AGL: variants seen among roughly 807,000 people sequenced by gnomAD.
AGL encodes glycogen debranching enzyme.
A neutral mutation model predicts 199.3 loss-of-function variants in AGL; 128 were observed. That is an observed-to-expected ratio of 0.64 (90% CI 0.56 to 0.74). AGL has a LOEUF of 0.74. AGL is among the 30% of genes least tolerant of loss of function. The probability of loss-of-function intolerance (pLI) is 0.00; values close to 1 mark genes in which losing one functional copy is unlikely to be tolerated. For missense variants in AGL, 1,809 were observed against 1,820.8 expected, an observed-to-expected ratio of 0.99 and a Z score of 0.12; for synonymous variants, 584 against 594.7, an observed-to-expected ratio of 0.98 and a Z score of 0.26.
chr1:99,872,354 T>C (rs1651090658), intron 7 of AGL, among the ~76,000 whole-genome samples: 1 of 152,124 alleles, frequency 6.6e-6, no homozygotes, highest in Non-Finnish European at 1.5e-5. Context: ...TGTGAGTCAA[T>C]CTGAAGGATA....
Position 99,881,072 on chromosome 1 carries a change from C to G in AGL, c.1900-4C>G. ...ACTTTTGCTTTGTTGTTGTTGTCTT[C>G]TAGCATAGATCAGCGTATGATGCTC... On this transcript the variant is annotated splice_region_variant and splice_polypyrimidine_tract_variant and intron_variant, in intron 14 of 33. Coordinates refer to ENST00000361915, the MANE Select transcript of AGL (RefSeq NM_000642.3). 1 of 1,612,256 alleles carries G rather than the reference C, an allele frequency of 6.2e-7. No individual in the cohort carries two copies. The highest frequency in any genetic ancestry group is 1.3e-5 in the African/African-American group (1 of 74,990).
intron 33 of AGL, among the ~76,000 whole-genome samples, chr1:99,916,965 G>C (rs907224182): frequency 2.0e-5 from 3 of 152,024 alleles, no homozygotes; most frequent in African/African-American, 7.2e-5. Flanking sequence ...TATACATGTG[G>C]AATAGTCTTT....
At chr1:99,866,808 A>ATTTATTTAT (rs1458943251) in intron 5 of AGL, among the ~76,000 whole-genome samples, 6 of 68,358 alleles carry the variant, frequency 8.8e-5, no homozygotes, top group African/African-American at 3.0e-4. Context: ...TCTTTTATTT[A>ATTTATTTAT]TTTATTTTAT....
rs148821901 is a variant in AGL, at chr1:99,904,208, C to T, written c.3700+1414C>T. ...TCATCTCATGGCACACTATCATCGC[C>T]GCCAATGCAAGGCTAATAGTAATTT... On this transcript the variant is annotated intron_variant, in intron 27 of 33. Transcript: ENST00000361915. 4.5e-4 allele frequency among the ~76,000 whole-genome samples: 69 copies of T among 152,296 alleles called. 1 individual carries two copies. In the East Asian group the frequency reaches 8.5e-3, roughly 19 times the overall value.
At chr1:99,863,838 C>T (rs1395369083) in intron 4 of AGL, among the ~76,000 whole-genome samples, 4 of 148,428 alleles carry the variant, frequency 2.7e-5, no homozygotes, top group Non-Finnish European at 5.9e-5. Flanking sequence ...ACAAAAGTCT[C>T]ACTGTGTTGC....
intron 11 of AGL, among the ~76,000 whole-genome samples, chr1:99,877,031 T>G (rs1390253676): frequency 1.3e-5 from 2 of 152,212 alleles, no homozygotes; most frequent in African/African-American, 4.8e-5. Flanking sequence ...AGGTCCCCCC[T>G]CACTCTTAGT....
At chr1:99,907,686 G>GTTTTTTTTTTT (rs1238445536) in intron 27 of AGL, among the ~76,000 whole-genome samples, 1 of 59,846 alleles carries the variant, frequency 1.7e-5, no homozygotes, top group African/African-American at 5.7e-5. Context: ...GTTTGTTTTT[G>GTTTTTTTTTTT]TTTTTTGTTT....
intron 23 of AGL, among the ~76,000 whole-genome samples, chr1:99,891,955 CAT>C (rs747482422): frequency 1.4e-4 from 22 of 152,198 alleles, no homozygotes; most frequent in Admixed American, 9.2e-4. Flanking sequence ...GCTAATAAAA[CAT>C]ATTGATAAGA....
At position 99,870,415 on chromosome 1, in the gene AGL, G is replaced by T. The variant is rs145929061; in HGVS notation, c.680G>T (p.Trp227Leu). 1.9e-6 allele frequency: 3 copies of T among 1,613,796 alleles called. No individual in the cohort carries two copies. Among genetic ancestry groups the T allele is most frequent in the Non-Finnish European group, 2.5e-6 (3 of 1,179,922 alleles). ...VYNHTAANSK[W>L]IQEHPECAYN... ...TTTCCTTCAGCTGCTAATAGTAAAT[G>T]GATCCAGGAACATCCAGAATGTGCC... The change falls in exon 6 of 34, where the codon TGG becomes TTG. Residue 227 changes from tryptophan (W) to leucine (L), a missense_variant. Transcript: ENST00000361915.
chr1:99,890,923 A>G (rs1048061935), intron 21 of AGL, among the ~76,000 whole-genome samples: 1 of 152,132 alleles, frequency 6.6e-6, no homozygotes, highest in Admixed American at 6.5e-5. Context: ...ATATTATAAC[A>G]TTAAAATCCA....
At chr1:99,890,646 A>ATATATAT (rs201146666) in intron 21 of AGL, among the ~76,000 whole-genome samples, 10 of 112,108 alleles carry the variant, frequency 8.9e-5, no homozygotes, top group Admixed American at 1.9e-4. Flanking sequence ...ATTAAGAAAA[A>ATATATAT]AAAAATATAT....
chr1:99,887,873 C>G (rs1652567054), intron 20 of AGL, 105 bp from the exon 21 acceptor site: 2 of 1,282,212 alleles, frequency 1.6e-6, no homozygotes, highest in South Asian at 2.4e-5. Flanking sequence ...CTAAAACATA[C>G]ACTGCTAAGA....
chr1:99,879,757 TCTC>T (rs1416894999), intron 12 of AGL, among the ~76,000 whole-genome samples, 163 bp from the exon 13 acceptor site: 1 of 152,208 alleles, frequency 6.6e-6, no homozygotes, highest in African/African-American at 2.4e-5. Flanking sequence ...ACCGTTTTCT[TCTC>T]TTGATAAATT....
At position 99,862,329 on chromosome 1, in the gene AGL, A is replaced by T. The variant is rs1386596170; in HGVS notation, c.366A>T (p.Leu122=). ...GTGTTGGTGCTGATAATCATGTGCTACCCTTGGACTGTGTTACTCTTCAGA... is the reference window on the plus strand; with the variant it reads ...GTGTTGGTGCTGATAATCATGTGCTTCCCTTGGACTGTGTTACTCTTCAGA... ...ILRVGADNHV[L]PLDCVTLQTF... The change falls in exon 4 of 34, where the codon CTA becomes CTT. Residue 122 remains leucine, a synonymous_variant. Coordinates refer to ENST00000361915, the MANE Select transcript of AGL (RefSeq NM_000642.3). 2 of 1,613,886 alleles carry T rather than the reference A, an allele frequency of 1.2e-6. No individual in the cohort carries two copies. Among genetic ancestry groups the T allele is most frequent in the Admixed American group, 3.3e-5 (2 of 59,988 alleles).
At position 99,910,794 on chromosome 1, in the gene AGL, T is replaced by G. The variant is rs771249925; in HGVS notation, c.3783T>G (p.Asp1261Glu). The change falls in exon 28 of 34, where the codon GAT (aspartate) becomes GAG (glutamate). Residue 1261 changes from aspartate (D) to glutamate (E), a missense_variant. Coordinates refer to ENST00000361915, the MANE Select transcript of AGL (RefSeq NM_000642.3). Reference sequence around the variant, plus strand: ...GTTTCAATTGTGGCACATGGATGGATAAAATGGGAGAAAGTGACAGAGCTA... The same window carrying G: ...GTTTCAATTGTGGCACATGGATGGAGAAAATGGGAGAAAGTGACAGAGCTA... The part of the protein sequence containing the change: ...GNRFNCGTWM[D>E]KMGESDRARN... The G allele has an allele frequency of 5.6e-6, 9 of 1,613,292 alleles. No individual in the cohort carries two copies. In the South Asian group the frequency reaches 8.8e-5, roughly 16 times the overall value.
chr1:99,918,977 C>T (rs1310730581), intron 33 of AGL, among the ~76,000 whole-genome samples: 1 of 152,074 alleles, frequency 6.6e-6, no homozygotes, highest in African/African-American at 2.4e-5. Flanking sequence ...TGGTTCTTTC[C>T]TTGTTCTTTG....
intron 22 of AGL, 112 bp downstream of exon 22, chr1:99,891,468 TTCA>T (rs1178081692): frequency 8.6e-6 from 13 of 1,504,420 alleles, no homozygotes; most frequent in African/African-American, 2.8e-5. Context: ...TCCTCCTTCC[TTCA>T]TCATCTTTCA....
intron 26 of AGL, 122 bp from the exon 27 acceptor site, chr1:99,902,561 A>G (rs917453821): frequency 2.2e-5 from 17 of 786,990 alleles, no homozygotes; most frequent in Non-Finnish European, 3.8e-5. Flanking sequence ...GCCTCACCCC[A>G]ATTCCTATTT....
intron 24 of AGL, among the ~76,000 whole-genome samples, chr1:99,893,816 A>T (rs913591764): frequency 6.6e-6 from 1 of 152,206 alleles, no homozygotes; most frequent in African/African-American, 2.4e-5. Flanking sequence ...ATAGGACTGT[A>T]TTCAGATTTG....
Sources: gnomAD v4.1 joint callset for allele counts (sites outside exome capture counted in the v4.1 genomes callset) on GRCh38, gnomAD v4.1.1 for gene constraint, MANE v1.5 for transcripts, NCBI Gene and HGNC (gene_info 2026-07-23, HGNC 2026-07-21) for gene names.